GRID2: variants seen among roughly 807,000 people sequenced by gnomAD.
GRID2 encodes glutamate ionotropic receptor delta type subunit 2.
A neutral mutation model predicts 114.8 loss-of-function variants in GRID2; 33 were observed. The ratio of observed to expected loss-of-function variants is 0.29; its 90% CI spans 0.22 to 0.38. GRID2 has a LOEUF of 0.38. GRID2 is among the 10% of genes least tolerant of loss of function. GRID2 has a pLI of 1.00. For missense variants in GRID2, 1,184 were observed against 1,257.7 expected (o/e 0.94, Z 0.89); for synonymous variants, 505 against 449.9 (o/e 1.12, Z -1.55).
chr4:92,696,889 T>C (rs1203951013), intron 2 of GRID2, among the ~76,000 whole-genome samples: 2 of 152,176 alleles, frequency 1.3e-5, no homozygotes, highest in South Asian at 2.1e-4. Context: ...TTTGATTTTA[T>C]TTGACATTCT....
chr4:93,713,704 TA>T (rs1728678744), intron 14 of GRID2, among the ~76,000 whole-genome samples: 2 of 152,210 alleles, frequency 1.3e-5, no homozygotes, highest in East Asian at 3.9e-4. Context: ...AAATAAACCC[TA>T]AAACAAGAGT....
At chr4:93,089,834 T>C (rs2149327647) in intron 3 of GRID2, among the ~76,000 whole-genome samples, 1 of 152,268 alleles carries the variant, frequency 6.6e-6, no homozygotes, top group East Asian at 1.9e-4. Flanking sequence ...TTATTACTCA[T>C]GGTACAGCAA....
At chr4:92,752,470 T>C (rs960595183) in intron 2 of GRID2, among the ~76,000 whole-genome samples, 1 of 152,058 alleles carries the variant, frequency 6.6e-6, no homozygotes, top group African/African-American at 2.4e-5. Context: ...AAAATAAGAG[T>C]GTACAAAAGT....
chr4:93,789,419 G>A (rs1044445343), intron 1 of GRID2, among the ~76,000 whole-genome samples: 3 of 152,170 alleles, frequency 2.0e-5, no homozygotes, highest in Admixed American at 1.3e-4. Context: ...TAATGTCCCA[G>A]TGACAACTTC....
intron 1 of GRID2, among the ~76,000 whole-genome samples, chr4:92,583,043 A>T (rs1375355174): frequency 2.6e-5 from 4 of 152,008 alleles, no homozygotes; most frequent in African/African-American, 9.7e-5. Context: ...TTATCTGGAA[A>T]TTTGTTTTAA....
At chr4:92,894,188 G>T (rs927692637) in intron 2 of GRID2, among the ~76,000 whole-genome samples, 1 of 152,132 alleles carries the variant, frequency 6.6e-6, no homozygotes, top group African/African-American at 2.4e-5. Context: ...CATTCATAAG[G>T]TTGATCAAAC....
chr4:92,870,531 T>A lies in GRID2; in HGVS notation c.245-214464T>A, dbSNP rs1355362650. Among the ~76,000 whole-genome samples, 3 of 152,078 alleles carry A rather than the reference T, an allele frequency of 2.0e-5. 1 individual carries two copies. In the South Asian group the frequency reaches 6.2e-4, roughly 31 times the overall value. On this transcript the variant is annotated intron_variant, in intron 2 of 15. Coordinates refer to ENST00000282020, the MANE Select transcript of GRID2 (RefSeq NM_001510.4). ...TATTGAAAAGAATTAAACATTATAA[T>A]GTGAATAGGTGAGATATATGTTTCA...
intron 2 of GRID2, among the ~76,000 whole-genome samples, chr4:92,912,822 G>T (rs1012411805): frequency 8.6e-5 from 13 of 151,758 alleles, no homozygotes; most frequent in African/African-American, 3.1e-4. Flanking sequence ...CAAAAAAAGT[G>T]CATAAATACA....
At chr4:93,304,809 A>T (rs1487671238) in intron 8 of GRID2, among the ~76,000 whole-genome samples, 1 of 152,182 alleles carries the variant, frequency 6.6e-6, no homozygotes, top group Non-Finnish European at 1.5e-5. Context: ...TACATAGAGG[A>T]TACCATTTTA....
chr4:92,383,723 G>A (rs2110241889), intron 1 of GRID2, among the ~76,000 whole-genome samples: 1 of 151,800 alleles, frequency 6.6e-6, no homozygotes, highest in South Asian at 2.1e-4. Context: ...CAATGATGCT[G>A]GATTTACTAC....
At chr4:93,524,581 G>A (rs1325217599) in intron 13 of GRID2, among the ~76,000 whole-genome samples, 1 of 151,398 alleles carries the variant, frequency 6.6e-6, no homozygotes, top group African/African-American at 2.4e-5. Context: ...AATCAGACTC[G>A]ATTAGATGTT....
intron 1 of GRID2, among the ~76,000 whole-genome samples, chr4:92,498,193 T>G (rs1003789161): frequency 6.6e-6 from 1 of 151,780 alleles, no homozygotes; most frequent in Non-Finnish European, 1.5e-5. Flanking sequence ...TGTTGTTGCT[T>G]TAAGTATTAT....
At chr4:92,621,434 T>C (rs1730270510) in intron 2 of GRID2, among the ~76,000 whole-genome samples, 1 of 151,766 alleles carries the variant, frequency 6.6e-6, no homozygotes, top group African/African-American at 2.4e-5. Flanking sequence ...CAAAATATTA[T>C]CTCTAAGGAA....
chr4:92,350,442 C>A (rs2110181938), intron 1 of GRID2, among the ~76,000 whole-genome samples: 1 of 151,836 alleles, frequency 6.6e-6, no homozygotes, highest in African/African-American at 2.4e-5. Flanking sequence ...GAAAAGTTTT[C>A]TTGAATTATA....
chr4:93,373,158 G>A (rs973291385), intron 8 of GRID2, among the ~76,000 whole-genome samples: 4 of 151,920 alleles, frequency 2.6e-5, no homozygotes, highest in African/African-American at 9.7e-5. Flanking sequence ...CTATTTGCTG[G>A]CCCTTTAATT....
intron 4 of GRID2, among the ~76,000 whole-genome samples, chr4:93,135,603 A>G (rs1407884827): frequency 2.0e-5 from 3 of 152,180 alleles, no homozygotes; most frequent in Non-Finnish European, 4.4e-5. Flanking sequence ...AAAGGCTCCC[A>G]ACTGGTCCAA....
At chr4:93,228,147 T>C (rs997202554) in intron 7 of GRID2, among the ~76,000 whole-genome samples, 1 of 152,164 alleles carries the variant, frequency 6.6e-6, no homozygotes, top group East Asian at 1.9e-4. Context: ...TCTTGATTTG[T>C]CTTCTGCTGC....
intron 1 of GRID2, among the ~76,000 whole-genome samples, chr4:92,453,454 A>G (rs1721051921): frequency 6.6e-6 from 1 of 152,186 alleles, no homozygotes; most frequent in Non-Finnish European, 1.5e-5. Flanking sequence ...TCACATATGT[A>G]TATGTATTCA....
downstream of GRID2, among the ~76,000 whole-genome samples, chr4:93,776,636 G>A (rs1484835958): frequency 6.6e-6 from 1 of 152,154 alleles, no homozygotes; most frequent in African/African-American, 2.4e-5. Context: ...TCTTGGTTGG[G>A]TGACTGACTG....
Sources: gnomAD v4.1 joint callset for allele counts (sites outside exome capture counted in the v4.1 genomes callset) on GRCh38, gnomAD v4.1.1 for gene constraint, MANE v1.5 for transcripts, NCBI Gene and HGNC (gene_info 2026-07-23, HGNC 2026-07-21) for gene names.